DNAJC8: variants seen among roughly 807,000 people sequenced by gnomAD.
DNAJC8 encodes DnaJ heat shock protein family (Hsp40) member C8.
A neutral mutation model predicts 43.2 loss-of-function variants in DNAJC8; 24 were observed. The ratio of observed to expected loss-of-function variants is 0.56; its 90% CI spans 0.40 to 0.78. DNAJC8 has a LOEUF of 0.78. DNAJC8 is among the 30% of genes least tolerant of loss of function. The pLI is 0.00. For missense variants in DNAJC8, 207 were observed against 299.4 expected, an observed-to-expected ratio of 0.69 and a Z score of 2.28; for synonymous variants, 83 against 98.0, an observed-to-expected ratio of 0.85 and a Z score of 0.90.
At chr1:28,220,864 A>G (rs1016703111) in intron 2 of DNAJC8, among the ~76,000 whole-genome samples, 3 of 152,148 alleles carry the variant, frequency 2.0e-5, no homozygotes, top group African/African-American at 7.2e-5. Context: ...AGATTCTTGG[A>G]AGGTTTTTCT....
intron 2 of DNAJC8, among the ~76,000 whole-genome samples, chr1:28,223,572 A>G (rs965260874): frequency 6.6e-6 from 1 of 152,246 alleles, no homozygotes; most frequent in Non-Finnish European, 1.5e-5. Flanking sequence ...AAATGTAGAT[A>G]TTAAATTCTG....
intron 2 of DNAJC8, among the ~76,000 whole-genome samples, chr1:28,227,936 A>G (rs1170275238): frequency 6.6e-6 from 1 of 152,250 alleles, no homozygotes; most frequent in African/African-American, 2.4e-5. Context: ...GTTTAAAGCT[A>G]TAAAATTAAG....
chr1:28,212,272 CTTTTTTTTT>C (rs528978849), intron 3 of DNAJC8, among the ~76,000 whole-genome samples: 1 of 90,932 alleles, frequency 1.1e-5, no homozygotes, highest in Non-Finnish European at 2.2e-5. Context: ...TTGTTCTATT[CTTTTTTTTT>C]TTTTTTTTTT....
intron 2 of DNAJC8, 63 bp from the exon 3 acceptor site, chr1:28,215,059 T>G (rs1646841723): frequency 1.5e-6 from 2 of 1,372,928 alleles, no homozygotes; most frequent in Non-Finnish European, 2.0e-6. Flanking sequence ...TATTTAAGAG[T>G]TGCTCAGTAA....
intron 2 of DNAJC8, among the ~76,000 whole-genome samples, chr1:28,226,226 C>T (rs1051189689): frequency 8.0e-5 from 12 of 150,856 alleles, no homozygotes; most frequent in East Asian, 1.9e-4. Context: ...TTTTAAAGAT[C>T]TGGGTGTGGT....
intron 3 of DNAJC8, among the ~76,000 whole-genome samples, chr1:28,213,612 A>G (rs867646281): frequency 1.8e-4 from 27 of 152,230 alleles, no homozygotes; most frequent in African/African-American, 5.3e-4. Flanking sequence ...CTATTAAAAT[A>G]TGAAGTACAT....
chr1:28,203,627 C>T, intron 8 of DNAJC8, 120 bp downstream of exon 8: 1 of 977,728 alleles, frequency 1.0e-6, no homozygotes, highest in Admixed American at 1.8e-5. Flanking sequence ...TTCTTCACCT[C>T]TCCCACTCTT....
intron 2 of DNAJC8, among the ~76,000 whole-genome samples, chr1:28,224,815 C>T (rs892287686): frequency 3.3e-5 from 5 of 152,044 alleles, no homozygotes; most frequent in African/African-American, 9.7e-5. Context: ...ACCCGTGAGG[C>T]GGAGGTTGCA....
intron 3 of DNAJC8, among the ~76,000 whole-genome samples, chr1:28,212,367 T>C (rs373618792): frequency 3.4e-5 from 5 of 146,952 alleles, no homozygotes; most frequent in African/African-American, 1.2e-4. Flanking sequence ...CTCAATCTCC[T>C]GGACTCAAGT....
intron 1 of DNAJC8, among the ~76,000 whole-genome samples, chr1:28,229,543 G>A (rs1360189309): frequency 6.6e-6 from 1 of 152,162 alleles, no homozygotes; most frequent in Non-Finnish European, 1.5e-5. Context: ...GGAGGCTGGG[G>A]GGTGGGCAGA....
intron 2 of DNAJC8, 64 bp downstream of exon 2, chr1:28,228,858 G>T: frequency 1.5e-6 from 2 of 1,317,542 alleles, no homozygotes; most frequent in Non-Finnish European, 2.2e-6. Context: ...TTCTGATGTA[G>T]GTATGCCTGC....
At chr1:28,230,672 T>C (rs567962291) in intron 1 of DNAJC8, among the ~76,000 whole-genome samples, 1 of 152,330 alleles carries the variant, frequency 6.6e-6, no homozygotes, top group Non-Finnish European at 1.5e-5. Context: ...TCTTGCTCTG[T>C]CACCCAGGGT....
intron 5 of DNAJC8, among the ~76,000 whole-genome samples, chr1:28,209,429 T>C (rs897514491): frequency 5.9e-5 from 9 of 152,300 alleles, no homozygotes; most frequent in Admixed American, 2.0e-4. Flanking sequence ...TCCCACCACA[T>C]TGGAGACTTA....
In DNAJC8 at chr1:28,205,251, T is replaced by C. The variant is rs776576099; in HGVS notation, c.563+7A>G. The C allele has an allele frequency of 6.2e-7, 1 of 1,600,232 alleles. No homozygotes were observed. The highest frequency in any genetic ancestry group is 8.5e-7 in the Non-Finnish European group (1 of 1,169,710). On this transcript the variant is annotated splice_region_variant and intron_variant, in intron 7 of 8. Coordinates refer to ENST00000263697, the MANE Select transcript of DNAJC8 (RefSeq NM_014280.3). ...AATATGGTTTAAATGAATATACTGATATGTACCTTTCATGCATCTCTTTGG... is the reference window on the plus strand; with the variant it reads ...AATATGGTTTAAATGAATATACTGACATGTACCTTTCATGCATCTCTTTGG...
chr1:28,227,895 C>G (rs1207377801), intron 2 of DNAJC8, among the ~76,000 whole-genome samples: 1 of 152,092 alleles, frequency 6.6e-6, no homozygotes, highest in East Asian at 1.9e-4. Flanking sequence ...ACATTTGCAA[C>G]AAATATGATT....
intron 6 of DNAJC8, among the ~76,000 whole-genome samples, 181 bp downstream of exon 6, chr1:28,208,161 G>A (rs552174057): frequency 1.3e-5 from 2 of 152,234 alleles, no homozygotes; most frequent in African/African-American, 2.4e-5. Context: ...AGCCGAGATC[G>A]CGCCATTGCC....
Position 28,232,977 on chromosome 1 carries a change from C to G in DNAJC8, c.22G>C (p.Gly8Arg). ...GTGCTGCCTCCGCCGCCTGAAGTCCCGCTCTCTCCTGAAGCCGCCATTTCC... is the reference window on the plus strand; with the variant it reads ...GTGCTGCCTCCGCCGCCTGAAGTCCGGCTCTCTCCTGAAGCCGCCATTTCC... MAASGES[G>R]TSGGGGSTEE... Residue 8 changes from glycine to arginine, a missense_variant, in exon 1 of 9, where the codon GGG (glycine) becomes CGG (arginine). This residue lies in a region of DNAJC8 where 48 missense variants were observed against 31.9 expected (regional missense o/e 1.50). Coordinates refer to ENST00000263697, the MANE Select transcript of DNAJC8 (RefSeq NM_014280.3). 5 of 1,612,932 alleles carry G rather than the reference C, an allele frequency of 3.1e-6. No homozygotes were observed. Among genetic ancestry groups the G allele is most frequent in the South Asian group, 1.1e-5 (1 of 91,080 alleles).
Position 28,210,628 on chromosome 1 carries a change from A to G in DNAJC8, c.247T>C (p.Leu83=), listed in dbSNP as rs978989905. 21 of 1,613,850 alleles carry G rather than the reference A, an allele frequency of 1.3e-5. No homozygotes were observed. Among genetic ancestry groups the G allele is most frequent in the Non-Finnish European group, 1.7e-5 (20 of 1,179,896 alleles). The change falls in exon 4 of 9, where the codon TTG becomes CTG. Residue 83 remains leucine, a synonymous_variant. Coordinates refer to ENST00000263697, the MANE Select transcript of DNAJC8 (RefSeq NM_014280.3). Reference sequence around the variant, plus strand: ...TCTTGATTTTTGTCAGGATGCACCAAGATGGATAACTACAATAAGAGAAAA... The same window carrying G: ...TCTTGATTTTTGTCAGGATGCACCAGGATGGATAACTACAATAAGAGAAAA... The part of the protein sequence containing the change: ...IKKRFRQLSI[L]VHPDKNQDDA...
chr1:28,215,059 T>C, intron 2 of DNAJC8, 63 bp from the exon 3 acceptor site: 1 of 1,373,046 alleles, frequency 7.3e-7, no homozygotes, highest in Admixed American at 2.1e-5. Flanking sequence ...TATTTAAGAG[T>C]TGCTCAGTAA....
Sources: gnomAD v4.1 joint callset for allele counts (sites outside exome capture counted in the v4.1 genomes callset) on GRCh38, gnomAD v4.1.1 for gene constraint, gnomAD v4.1.1 regional missense constraint, MANE v1.5 for transcripts, NCBI Gene and HGNC (gene_info 2026-07-23, HGNC 2026-07-21) for gene names.